Variants in NAV3 observed in about 807,000 individuals in gnomAD.
NAV3 encodes the protein neuron navigator 3.
In NAV3, 87 loss-of-function variants were observed where a neutral mutation model predicts 244.7. The ratio of observed to expected loss-of-function variants is 0.36; its 90% CI spans 0.30 to 0.42. The LOEUF is 0.42. NAV3 is among the 20% of genes least tolerant of loss of function. The pLI, the probability that NAV3 is intolerant of heterozygous loss-of-function variation, is 1.00. For missense variants in NAV3, 2,663 were observed against 2,893.3 expected (o/e 0.92, Z 1.83); for synonymous variants, 1,126 against 1,042.2 (o/e 1.08, Z -1.55).
At chr12:77,974,207 C>T (rs1183616712) in intron 5 of NAV3, among the ~76,000 whole-genome samples, 3 of 151,428 alleles carry the variant, frequency 2.0e-5, no homozygotes, top group East Asian at 3.9e-4. Context: ...CTTGATTAAC[C>T]CAGTAATCAA....
intron 21 of NAV3, among the ~76,000 whole-genome samples, chr12:78,147,787 G>T (rs1021229160): frequency 2.4e-4 from 37 of 152,072 alleles, no homozygotes; most frequent in Non-Finnish European, 4.9e-4. Flanking sequence ...ACTATGTCAA[G>T]AATTCTCTTT....
intron 16 of NAV3, among the ~76,000 whole-genome samples, chr12:78,124,463 ATTTG>A (rs1955818781): frequency 6.6e-6 from 1 of 150,994 alleles, no homozygotes; most frequent in African/African-American, 2.4e-5. Flanking sequence ...TATGTTATTT[ATTTG>A]TTTTGAAATG....
intron 2 of NAV3, among the ~76,000 whole-genome samples, chr12:77,612,092 A>G (rs1292949133): frequency 1.3e-5 from 2 of 152,086 alleles, no homozygotes; most frequent in African/African-American, 4.8e-5. Flanking sequence ...TTTTCAGAAA[A>G]GACTAGACTG....
In NAV3 at chr12:78,078,437, C is replaced by T. The variant is rs944224684; in HGVS notation, c.2636+19322C>T. Among the ~76,000 whole-genome samples the T allele has an allele frequency of 5.0e-5, 6 of 120,752 alleles. No homozygotes were observed. The Admixed American group carries it at 6.6e-4, about 13-fold the overall frequency. The allele number at this position is 120,752 out of a possible 152,430, so 79.2% of individuals were successfully genotyped here. On this transcript the variant is annotated intron_variant, in intron 12 of 39. Transcript: ENST00000397909. The stretch of plus-strand genomic sequence containing the variant: ...TTGAGACGGAGTCTCGCTCTGTCGC[C>T]CAGGCTGGAGTGCAGTGGCGGGATC...
rs892712375 is a variant in NAV3, at chr12:77,926,467, G to C, written c.244-13852G>C. ...AGGTAAGGGAAGATATAGATAGATA[G>C]ATACATACATACATAGATAGATACA... is the stretch of plus-strand genomic sequence containing the variant. On this transcript the variant is annotated intron_variant, in intron 1 of 39. Coordinates refer to ENST00000397909, the MANE Select transcript of NAV3 (RefSeq NM_001024383.2). Among the ~76,000 whole-genome samples the C allele has an allele frequency of 8.6e-5, 13 of 150,974 alleles. No individual in the cohort carries two copies. The East Asian group carries it at 1.2e-3, about 14-fold the overall frequency.
intron 1 of NAV3, among the ~76,000 whole-genome samples, chr12:77,928,964 G>A (rs1049773034): frequency 2.6e-5 from 4 of 152,196 alleles, no homozygotes; most frequent in Admixed American, 6.5e-5. Flanking sequence ...GAGAGTTCAG[G>A]AGGTCAATGT....
chr12:78,204,099 A>C (rs562417171), intron 38 of NAV3, among the ~76,000 whole-genome samples: 1 of 152,068 alleles, frequency 6.6e-6, no homozygotes, highest in South Asian at 2.1e-4. Flanking sequence ...ACAAACATCT[A>C]AAAAGAGTTT....
At chr12:78,156,983 A>G (rs991573191) in intron 22 of NAV3, among the ~76,000 whole-genome samples, 4 of 152,330 alleles carry the variant, frequency 2.6e-5, no homozygotes, top group Admixed American at 2.0e-4. Flanking sequence ...TAAAACAGGC[A>G]TATCTAAACA....
upstream of NAV3, among the ~76,000 whole-genome samples, chr12:77,830,569 C>G (rs548205899): frequency 1.3e-5 from 2 of 152,310 alleles, no homozygotes; most frequent in East Asian, 3.9e-4. Context: ...ATATTTAGTG[C>G]CCTGCTTCCT....
At position 77,679,499 on chromosome 12, in the gene NAV3, G is replaced by T. The variant is rs573771497; in HGVS notation, c.72+107233G>T. 1.8e-4 allele frequency among the ~76,000 whole-genome samples: 28 copies of T among 152,068 alleles called. 1 individual carries two copies. The South Asian group carries it at 3.9e-3, about 21-fold the overall frequency. On this transcript the variant is annotated intron_variant, in intron 2 of 8. Coordinates refer to the NAV3 transcript ENST00000550042. ...TGAGTTTGCTTCACTTGTAGCAGGG[G>T]TACATACATAAGTCTGGATCTCAAA...
At chr12:78,130,092 A>G (rs1198499716) in intron 18 of NAV3, among the ~76,000 whole-genome samples, 1 of 152,208 alleles carries the variant, frequency 6.6e-6, no homozygotes, top group Non-Finnish European at 1.5e-5. Context: ...TGTATTTTCC[A>G]GGTTTTAGCT....
intron 2 of NAV3, among the ~76,000 whole-genome samples, chr12:77,657,788 C>A (rs1873194628): frequency 6.6e-6 from 1 of 152,096 alleles, no homozygotes; most frequent in South Asian, 2.1e-4. Flanking sequence ...CCCTGGGATG[C>A]AAGGCTGGTT....
At chr12:77,840,410 G>A (rs769414403) in intron 1 of NAV3, among the ~76,000 whole-genome samples, 1 of 152,174 alleles carries the variant, frequency 6.6e-6, no homozygotes, top group Non-Finnish European at 1.5e-5. Context: ...CAGTAAATGG[G>A]TGGGGGACAT....
chr12:77,630,997 C>T (rs1263128618), intron 2 of NAV3, among the ~76,000 whole-genome samples: 1 of 152,166 alleles, frequency 6.6e-6, no homozygotes, highest in Non-Finnish European at 1.5e-5. Flanking sequence ...AACTTCTATT[C>T]TGTTCAATTA....
intron 1 of NAV3, among the ~76,000 whole-genome samples, chr12:77,860,220 A>G (rs1472747719): frequency 6.6e-6 from 1 of 151,590 alleles, no homozygotes; most frequent in Non-Finnish European, 1.5e-5. Flanking sequence ...GATAACAGTG[A>G]TTGTCTCCAG....
chr12:77,863,694 C>G (rs1436368481), intron 1 of NAV3, among the ~76,000 whole-genome samples: 1 of 150,598 alleles, frequency 6.6e-6, no homozygotes, highest in Non-Finnish European at 1.5e-5. Flanking sequence ...TCTCTAAGTC[C>G]TTTTAAGTGA....
At chr12:78,004,103 A>G (rs972897416) in intron 7 of NAV3, among the ~76,000 whole-genome samples, 3 of 152,194 alleles carry the variant, frequency 2.0e-5, no homozygotes, top group Non-Finnish European at 4.4e-5. Context: ...ATGAGTTCCA[A>G]TTTAGATTTT....
At chr12:77,722,662 CT>C (rs1420116150) in intron 2 of NAV3, among the ~76,000 whole-genome samples, 1 of 151,952 alleles carries the variant, frequency 6.6e-6, no homozygotes, top group Non-Finnish European at 1.5e-5. Flanking sequence ...TCTTTGGAGT[CT>C]TTTGAAGAGT....
intron 1 of NAV3, among the ~76,000 whole-genome samples, chr12:77,906,303 T>G (rs1341189887): frequency 6.6e-6 from 1 of 152,100 alleles, no homozygotes; most frequent in African/African-American, 2.4e-5. Context: ...AACAAGCTTT[T>G]GTTCCCCAAT....
Sources: allele counts gnomAD v4.1 joint callset (sites outside exome capture counted in the v4.1 genomes callset), GRCh38; gene constraint gnomAD v4.1.1; transcripts MANE v1.5; gene names NCBI Gene and HGNC (gene_info 2026-07-23, HGNC 2026-07-21).